Variants in CDH18 observed in about 807,000 individuals in gnomAD.
CDH18 encodes cadherin-18.
A neutral mutation model predicts 67.9 loss-of-function variants in CDH18; 31 were observed. That is an observed-to-expected ratio of 0.46 (90% confidence interval 0.34 to 0.62). CDH18 has a LOEUF of 0.62. Among genes scored for constraint, CDH18 ranks in the 20% least tolerant of loss-of-function variants. The probability of loss-of-function intolerance (pLI) is 0.01; values close to 1 mark genes in which losing one functional copy is unlikely to be tolerated. For missense variants in CDH18, 890 were observed against 975.5 expected (o/e 0.91, Z 1.17); for synonymous variants, 362 against 347.2 (o/e 1.04, Z -0.48).
chr5:20,442,443 T>G (rs1749675789), intron 1 of CDH18, among the ~76,000 whole-genome samples: 1 of 151,940 alleles, frequency 6.6e-6, no homozygotes, highest in Non-Finnish European at 1.5e-5. Flanking sequence ...ATGCTGGACA[T>G]CTGCATCTCA....
At chr5:19,604,636 A>T (rs2150078671) in intron 6 of CDH18, among the ~76,000 whole-genome samples, 1 of 151,864 alleles carries the variant, frequency 6.6e-6, no homozygotes, top group South Asian at 2.1e-4. Context: ...ATTATTAAGC[A>T]TTGTGGTTGG....
intron 2 of CDH18, among the ~76,000 whole-genome samples, chr5:19,936,960 A>G (rs1337948997): frequency 4.0e-5 from 6 of 151,322 alleles, no homozygotes; most frequent in Non-Finnish European, 3.0e-5. Flanking sequence ...TCTTAGAGTA[A>G]TAATACCACT....
intron 1 of CDH18, among the ~76,000 whole-genome samples, chr5:20,516,648 G>T (rs1275163889): frequency 6.6e-6 from 1 of 151,796 alleles, no homozygotes; most frequent in Admixed American, 6.6e-5. Flanking sequence ...CATAGGTTAT[G>T]TCTTCTTTCT....
intron 8 of CDH18, among the ~76,000 whole-genome samples, chr5:19,563,370 T>G (rs543684992): frequency 1.8e-4 from 28 of 152,308 alleles, no homozygotes; most frequent in Non-Finnish European, 3.5e-4. Flanking sequence ...GTTTCAGTGT[T>G]GTGAAACAGT....
At chr5:19,588,456 A>G (rs866909431) in intron 7 of CDH18, among the ~76,000 whole-genome samples, 1 of 152,094 alleles carries the variant, frequency 6.6e-6, no homozygotes, top group Admixed American at 6.6e-5. Flanking sequence ...ACACACTGAA[A>G]TACACAGACC....
At chr5:19,538,351 A>C (rs16885841) in intron 9 of CDH18, among the ~76,000 whole-genome samples, 1 of 152,256 alleles carries the variant, frequency 6.6e-6, no homozygotes, top group African/African-American at 2.4e-5. Flanking sequence ...CAGCTGTATT[A>C]TAGATTGCAC....
At chr5:19,951,478 T>A (rs1387903310) in intron 2 of CDH18, among the ~76,000 whole-genome samples, 1 of 152,150 alleles carries the variant, frequency 6.6e-6, no homozygotes, top group Non-Finnish European at 1.5e-5. Flanking sequence ...TTTAGCATTA[T>A]CCACAGGAGT....
intron 2 of CDH18, among the ~76,000 whole-genome samples, chr5:20,148,250 C>T (rs934687510): frequency 1.9e-4 from 28 of 151,228 alleles, no homozygotes; most frequent in Admixed American, 4.0e-4. Context: ...CATCACCATA[C>T]CCGGCTAATT....
chr5:19,618,395 G>A (rs1484492231), intron 5 of CDH18, among the ~76,000 whole-genome samples: 1 of 152,056 alleles, frequency 6.6e-6, no homozygotes, highest in East Asian at 1.9e-4. Context: ...TAGTAGAATT[G>A]GGGTTTCACC....
chr5:20,392,333 G>T (rs940960875), intron 1 of CDH18, among the ~76,000 whole-genome samples: 1 of 151,620 alleles, frequency 6.6e-6, no homozygotes, highest in African/African-American at 2.4e-5. Context: ...TCAAACAAGA[G>T]AAATTATAGA....
chr5:20,553,882 T>C lies in CDH18; in HGVS notation c.-580+21580A>G, dbSNP rs145503619. Among the ~76,000 whole-genome samples the C allele has an allele frequency of 3.3e-4, 51 of 152,316 alleles. No individual in the cohort carries two copies. In the East Asian group the frequency reaches 8.7e-3, roughly 26 times the overall value. On this transcript the variant is annotated intron_variant, in intron 1 of 14. Coordinates refer to the CDH18 transcript ENST00000507958. ...AAAAATCCGGATCGGGATTATTGTC[T>C]TTTACTCCTAAAGAGCTATTACATT...
chr5:20,070,148 T>C (rs536170173), intron 2 of CDH18, among the ~76,000 whole-genome samples: 7 of 152,336 alleles, frequency 4.6e-5, no homozygotes, highest in African/African-American at 1.4e-4. Context: ...AAAAGCTATA[T>C]AGTTGAAACA....
intron 1 of CDH18, among the ~76,000 whole-genome samples, chr5:20,467,816 T>C (rs1751748988): frequency 6.6e-6 from 1 of 152,160 alleles, no homozygotes; most frequent in Admixed American, 6.5e-5. Context: ...ATAGAAATAG[T>C]AGGCATTTGC....
intron 8 of CDH18, among the ~76,000 whole-genome samples, chr5:19,562,464 G>T (rs1055134708): frequency 2.6e-5 from 4 of 152,046 alleles, no homozygotes. Flanking sequence ...AAAACAAAAA[G>T]AAGTGAATGC....
intron 2 of CDH18, among the ~76,000 whole-genome samples, chr5:20,204,057 A>C (rs907082776): frequency 2.6e-5 from 4 of 152,116 alleles, no homozygotes; most frequent in African/African-American, 9.7e-5. Flanking sequence ...CAGGCAACTG[A>C]GCAATAGTGA....
intron 10 of CDH18, among the ~76,000 whole-genome samples, chr5:19,506,957 G>A (rs1156495527): frequency 3.3e-5 from 5 of 152,154 alleles, no homozygotes; most frequent in Non-Finnish European, 7.3e-5. Context: ...TACCATCAGA[G>A]TGAACAGGCA....
intron 3 of CDH18, among the ~76,000 whole-genome samples, chr5:19,803,537 A>G (rs1307682336): frequency 1.3e-5 from 2 of 152,202 alleles, no homozygotes; most frequent in Non-Finnish European, 2.9e-5. Flanking sequence ...ACAACTGCAC[A>G]GTTATGTTGG....
At chr5:20,233,572 C>T (rs562492085) in intron 2 of CDH18, among the ~76,000 whole-genome samples, 2 of 152,000 alleles carry the variant, frequency 1.3e-5, no homozygotes, top group South Asian at 2.1e-4. Flanking sequence ...TTGCTATTTA[C>T]AAATTTTGTT....
chr5:20,180,152 A>C lies in CDH18; in HGVS notation c.-518+75292T>G, dbSNP rs1737570716. 2.0e-5 allele frequency among the ~76,000 whole-genome samples: 3 copies of C among 152,166 alleles called. No homozygotes were observed. The South Asian group carries it at 6.2e-4, about 31-fold the overall frequency. On this transcript the variant is annotated intron_variant, in intron 2 of 14. Transcript: ENST00000507958. ...GGACATGCAGTCAGGGAGGTTTCACATCACCAAGATTCCTATTCCAGAAAA... is the reference window on the plus strand; with the variant it reads ...GGACATGCAGTCAGGGAGGTTTCACCTCACCAAGATTCCTATTCCAGAAAA...
Sources: gnomAD v4.1 joint callset for allele counts (sites outside exome capture counted in the v4.1 genomes callset) on GRCh38, gnomAD v4.1.1 for gene constraint, MANE v1.5 for transcripts, NCBI Gene and HGNC (gene_info 2026-07-23, HGNC 2026-07-21) for gene names.